CFAP299: variants seen among roughly 807,000 people sequenced by gnomAD.
The protein encoded by CFAP299 is cilia and flagella associated protein 299, also known as cilia- and flagella-associated protein 299.
CFAP299 carries 21 observed loss-of-function variants against 27.0 expected under a neutral mutation model. That is an observed-to-expected ratio of 0.78 (90% CI 0.55 to 1.12). CFAP299 has a LOEUF of 1.12. CFAP299 is among the 50% of genes most tolerant of loss of function. The probability of loss-of-function intolerance (pLI) is 0.00; values close to 1 mark genes in which losing one functional copy is unlikely to be tolerated. For missense variants in CFAP299, 310 were observed against 276.6 expected (o/e 1.12, Z -0.86); for synonymous variants, 104 against 98.1 (o/e 1.06, Z -0.36).
At chr4:80,946,296 AGC>A (rs751370212) in intron 5 of CFAP299, among the ~76,000 whole-genome samples, 1 of 152,116 alleles carries the variant, frequency 6.6e-6, no homozygotes, top group Non-Finnish European at 1.5e-5. Context: ...TTTAAATGAC[AGC>A]TCCACAGTCA....
chr4:80,507,625 G>C (rs149096444), intron 2 of CFAP299, among the ~76,000 whole-genome samples: 167 of 152,258 alleles, frequency 1.1e-3, no homozygotes, highest in Non-Finnish European at 1.8e-3. Context: ...TCCATTGACA[G>C]CTCCCTGTTT....
At chr4:80,723,884 A>G (rs1057318613) in intron 3 of CFAP299, among the ~76,000 whole-genome samples, 1 of 152,140 alleles carries the variant, frequency 6.6e-6, no homozygotes, top group Non-Finnish European at 1.5e-5. Flanking sequence ...TAATAATTCA[A>G]AATCATTTTG....
At chr4:80,710,712 G>A (rs1430940917) in intron 3 of CFAP299, among the ~76,000 whole-genome samples, 1 of 151,478 alleles carries the variant, frequency 6.6e-6, no homozygotes, top group East Asian at 1.9e-4. Context: ...ACTTACTTCA[G>A]CCCTGACAGC....
At chr4:80,333,886 T>A (rs1337699588), upstream of CFAP299, among the ~76,000 whole-genome samples, 1 of 152,250 alleles carries the variant, frequency 6.6e-6, no homozygotes, top group East Asian at 1.9e-4. Context: ...CGAAACTTAC[T>A]AATTTCTTTG....
intron 2 of CFAP299, among the ~76,000 whole-genome samples, chr4:80,569,237 T>G (rs934735086): frequency 6.6e-6 from 1 of 152,130 alleles, no homozygotes; most frequent in East Asian, 1.9e-4. Context: ...GGACTCTGAC[T>G]GATAAAGTGA....
At chr4:80,355,104 C>T (rs895346580) in intron 1 of CFAP299, among the ~76,000 whole-genome samples, 2 of 152,082 alleles carry the variant, frequency 1.3e-5, no homozygotes, top group African/African-American at 2.4e-5. Context: ...GCTGCACTAT[C>T]TTCTACAACG....
chr4:80,362,386 G>A (rs1366702795), intron 1 of CFAP299, among the ~76,000 whole-genome samples: 1 of 150,430 alleles, frequency 6.6e-6, no homozygotes, highest in African/African-American at 2.4e-5. Flanking sequence ...TTTTGTGTAT[G>A]AGTACCATTG....
intron 2 of CFAP299, among the ~76,000 whole-genome samples, chr4:80,569,396 T>C (rs1033619801): frequency 4.6e-5 from 7 of 152,104 alleles, no homozygotes; most frequent in African/African-American, 1.7e-4. Context: ...TGTAAAGTTG[T>C]TTAAAAATAT....
intron 2 of CFAP299, among the ~76,000 whole-genome samples, chr4:80,492,914 C>G (rs1449478088): frequency 6.6e-6 from 1 of 152,038 alleles, no homozygotes; most frequent in Non-Finnish European, 1.5e-5. Flanking sequence ...TCAGTGAGAG[C>G]CCGATAAAGG....
chr4:80,511,257 A>G (rs1487151924), intron 2 of CFAP299, among the ~76,000 whole-genome samples: 1 of 152,172 alleles, frequency 6.6e-6, no homozygotes, highest in Non-Finnish European at 1.5e-5. Flanking sequence ...TGAACTAAGT[A>G]TATATGAAAA....
chr4:80,706,967 T>C (rs1279820368), intron 3 of CFAP299, among the ~76,000 whole-genome samples: 8 of 151,974 alleles, frequency 5.3e-5, no homozygotes, highest in Admixed American at 3.9e-4. Flanking sequence ...GATTCATGAA[T>C]CACACAATAG....
At chr4:80,672,963 C>T (rs1232718230) in intron 3 of CFAP299, among the ~76,000 whole-genome samples, 1 of 150,880 alleles carries the variant, frequency 6.6e-6, no homozygotes, top group Non-Finnish European at 1.5e-5. Flanking sequence ...AAAACAGCTC[C>T]TGGATTCATT....
rs183758473 is a variant in CFAP299, at chr4:80,933,452, C to T, written c.477-11358C>T. 4.1e-3 allele frequency among the ~76,000 whole-genome samples: 622 copies of T among 152,172 alleles called. 1 individual carries two copies. The highest frequency in any genetic ancestry group is 0.014 in the Middle Eastern group (4 of 294). Reference sequence around the variant, plus strand: ...GCATAGTGCCCAACAGGTCCGTGCACGGTGTCACAAATGGCAGGATTTCCT... The same window carrying T: ...GCATAGTGCCCAACAGGTCCGTGCATGGTGTCACAAATGGCAGGATTTCCT... On this transcript the variant is annotated intron_variant, in intron 4 of 5. Transcript: ENST00000358105.
chr4:80,364,029 G>A lies in CFAP299; in HGVS notation c.242+1145G>A, dbSNP rs948610978. The stretch of plus-strand genomic sequence containing the variant: ...GTGAACCCGGGAGGCGGAGCTTGCA[G>A]TGAGCCAAGATCGCGCCACTGCACT... On this transcript the variant is annotated intron_variant, in intron 2 of 5. Transcript: ENST00000358105. Among the ~76,000 whole-genome samples, 17 of 146,246 alleles carry A rather than the reference G, an allele frequency of 1.2e-4. 1 individual carries two copies. Among genetic ancestry groups the A allele is most frequent in the African/African-American group, 4.2e-4 (16 of 38,044 alleles).
intron 2 of CFAP299, among the ~76,000 whole-genome samples, chr4:80,420,618 T>C (rs1193409636): frequency 6.6e-6 from 1 of 152,236 alleles, no homozygotes; most frequent in African/African-American, 2.4e-5. Context: ...ATCAGATTAT[T>C]TGTTTTCTTT....
intron 5 of CFAP299, among the ~76,000 whole-genome samples, chr4:80,956,601 T>C (rs566703419): frequency 6.6e-6 from 1 of 151,910 alleles, no homozygotes; most frequent in South Asian, 2.1e-4. Flanking sequence ...CCACAAGCAC[T>C]AATCACCATG....
At chr4:80,780,943 T>C (rs1469576571) in intron 3 of CFAP299, among the ~76,000 whole-genome samples, 1 of 151,912 alleles carries the variant, frequency 6.6e-6, no homozygotes, top group African/African-American at 2.4e-5. Flanking sequence ...GCTGATCCTT[T>C]GTGACAACCT....
intron 3 of CFAP299, among the ~76,000 whole-genome samples, chr4:80,817,247 A>G (rs879765414): frequency 6.6e-6 from 1 of 152,112 alleles, no homozygotes; most frequent in Non-Finnish European, 1.5e-5. Context: ...CAACTGCATT[A>G]TAGGTCAGCT....
chr4:80,756,773 A>G lies in CFAP299; in HGVS notation c.334-113220A>G, dbSNP rs575632738. On this transcript the variant is annotated intron_variant, in intron 3 of 5. Coordinates refer to ENST00000358105, the MANE Select transcript of CFAP299 (RefSeq NM_152770.3). Reference sequence around the variant, plus strand: ...AGCCTGAAATATTTATTATCTATCCATTTACAGAAAAAAATGTGCTGACCT... The same window carrying G: ...AGCCTGAAATATTTATTATCTATCCGTTTACAGAAAAAAATGTGCTGACCT... 4.6e-5 allele frequency among the ~76,000 whole-genome samples: 7 copies of G among 152,204 alleles called. No individual in the cohort carries two copies. In the South Asian group the frequency reaches 1.5e-3, roughly 32 times the overall value.
Sources: allele counts gnomAD v4.1 joint callset (sites outside exome capture counted in the v4.1 genomes callset), GRCh38; gene constraint gnomAD v4.1.1; transcripts MANE v1.5; gene names NCBI Gene and HGNC (gene_info 2026-07-23, HGNC 2026-07-21).